The following ADAMTS12 variants were observed in gnomAD, a reference collection of about 807,000 sequenced individuals.
ADAMTS12 encodes the protein A disintegrin and metalloproteinase with thrombospondin motifs 12.
A neutral mutation model predicts 167.8 loss-of-function variants in ADAMTS12; 118 were observed. That is an observed-to-expected ratio of 0.70 (90% confidence interval 0.61 to 0.82). The LOEUF (loss-of-function observed/expected upper bound fraction) is 0.82, where lower values mean the gene tolerates loss of function less well. Ranked by LOEUF, ADAMTS12 falls within the 40% of genes least tolerant of loss-of-function variation. The pLI is 0.00. For missense variants in ADAMTS12, 1,916 were observed against 1,998.8 expected, an observed-to-expected ratio of 0.96 and a Z score of 0.79; for synonymous variants, 704 against 716.9, an observed-to-expected ratio of 0.98 and a Z score of 0.29.
chr5:33,619,248 T>C (rs1261659478), intron 14 of ADAMTS12, among the ~76,000 whole-genome samples: 4 of 152,196 alleles, frequency 2.6e-5, no homozygotes, highest in Admixed American at 1.3e-4. Context: ...GCAGCTTGTG[T>C]TTATCTTTTC....
At chr5:33,683,782 T>C in intron 4 of ADAMTS12, 77 bp downstream of exon 4, 2 of 1,218,892 alleles carry the variant, frequency 1.6e-6, no homozygotes, top group Non-Finnish European at 1.1e-6. Flanking sequence ...CAAAAAGGCC[T>C]TTCTTATTTA....
rs562657349 is a variant in ADAMTS12, at chr5:33,857,366, T to G, written c.489+23753A>C. ...AAAACAATGTGACTGTTGTTAACAA[T>G]ACTGAAGTGTATACTTGAAATTTGC... is the stretch of plus-strand genomic sequence containing the variant. On this transcript the variant is annotated intron_variant, in intron 2 of 23. Transcript: ENST00000504830. 3.2e-4 allele frequency among the ~76,000 whole-genome samples: 49 copies of G among 151,772 alleles called. No homozygotes were observed. The South Asian group carries it at 9.8e-3, about 30-fold the overall frequency.
At position 33,800,841 on chromosome 5, in the gene ADAMTS12, C is replaced by T. The variant is rs530536400; in HGVS notation, c.490-49293G>A. Among the ~76,000 whole-genome samples the T allele has an allele frequency of 4.2e-4, 64 of 152,158 alleles. No individual in the cohort carries two copies. The East Asian group carries it at 8.7e-3, about 21-fold the overall frequency. The stretch of plus-strand genomic sequence containing the variant: ...AACAGAGATGTGGTTGCTTGAATAA[C>T]GGTATCTATGTCCTAATCCCTGGAT... On this transcript the variant is annotated intron_variant, in intron 2 of 23. Coordinates refer to ENST00000504830, the MANE Select transcript of ADAMTS12 (RefSeq NM_030955.4).
At chr5:33,557,014 TG>T (rs1295520349) in intron 20 of ADAMTS12, among the ~76,000 whole-genome samples, 2 of 152,116 alleles carry the variant, frequency 1.3e-5, no homozygotes, top group African/African-American at 4.8e-5. Context: ...ACCTGACATA[TG>T]TATATGAGAA....
At chr5:33,535,339 GC>G (rs1473868922) in intron 22 of ADAMTS12, among the ~76,000 whole-genome samples, 1 of 152,186 alleles carries the variant, frequency 6.6e-6, no homozygotes, top group African/African-American at 2.4e-5. Flanking sequence ...CAGCCACCTG[GC>G]CACACATGAC....
At chr5:33,575,540 C>T (rs990842948) in intron 19 of ADAMTS12, among the ~76,000 whole-genome samples, 2 of 152,152 alleles carry the variant, frequency 1.3e-5, no homozygotes, top group Non-Finnish European at 2.9e-5. Context: ...CATTTGTTCT[C>T]CTTCCCTATA....
rs563213408 is a variant in ADAMTS12, at chr5:33,784,028, C to A, written c.490-32480G>T. ...TGTATGATGGCCAAGTGAGATTTAC[C>A]CATGATTGCAAAGTTCATTTAAAAT... On this transcript the variant is annotated intron_variant, in intron 2 of 23. Transcript: ENST00000504830. Among the ~76,000 whole-genome samples, 15 of 151,858 alleles carry A rather than the reference C, an allele frequency of 9.9e-5. 2 individuals carry two copies. Among genetic ancestry groups the A allele is most frequent in the Middle Eastern group, 3.4e-3 (1 of 294 alleles).
intron 14 of ADAMTS12, among the ~76,000 whole-genome samples, chr5:33,622,878 T>G (rs1739402615): frequency 6.6e-6 from 1 of 152,184 alleles, no homozygotes; most frequent in African/African-American, 2.4e-5. Context: ...AGAGAGTATT[T>G]TTCATCCATA....
chr5:33,787,206 T>C (rs1036288084), intron 2 of ADAMTS12, among the ~76,000 whole-genome samples: 1 of 152,148 alleles, frequency 6.6e-6, no homozygotes, highest in Non-Finnish European at 1.5e-5. Flanking sequence ...AGTCACCTCC[T>C]ATTGATTTAT....
chr5:33,847,631 A>AAAAG (rs973344037), intron 2 of ADAMTS12, among the ~76,000 whole-genome samples: 7 of 152,216 alleles, frequency 4.6e-5, no homozygotes, highest in African/African-American at 9.6e-5. Flanking sequence ...CTCAAAAAAA[A>AAAAG]AAAGAAAGAA....
chr5:33,696,217 C>T (rs533688666), intron 3 of ADAMTS12, among the ~76,000 whole-genome samples: 1 of 151,926 alleles, frequency 6.6e-6, no homozygotes, highest in East Asian at 1.9e-4. Flanking sequence ...GTCAGGAGAT[C>T]GAGACCATCC....
In ADAMTS12 at chr5:33,648,898, G is replaced by C. The variant is rs750961111; in HGVS notation, c.1403C>G (p.Pro468Arg). ...GTGGTGAACATCATAGATCACTCCG[G>C]GGGCAATGACCTTGGACTTCAAGCC... The part of the protein sequence containing the change: ...KKGLKSKVIA[P>R]GVIYDVHHQC... Residue 468 changes from proline to arginine, a missense_variant, in exon 9 of 24, where the codon CCC becomes CGC. Transcript: ENST00000504830. 1 of 1,614,004 alleles carries C rather than the reference G, an allele frequency of 6.2e-7. No individual in the cohort carries two copies. Among genetic ancestry groups the C allele is most frequent in the Admixed American group, 1.7e-5 (1 of 60,010 alleles).
chr5:33,613,132 T>C (rs1738813351), intron 16 of ADAMTS12, among the ~76,000 whole-genome samples: 1 of 152,160 alleles, frequency 6.6e-6, no homozygotes, highest in African/African-American at 2.4e-5. Flanking sequence ...TTCTTCCCTT[T>C]TGCTACATCA....
Position 33,588,584 on chromosome 5 carries a change from G to A in ADAMTS12, c.2865+15C>T, listed in dbSNP as rs771733709. On this transcript the variant is annotated intron_variant, in intron 18 of 23. Coordinates refer to ENST00000504830, the MANE Select transcript of ADAMTS12 (RefSeq NM_030955.4). Reference sequence around the variant, plus strand: ...CTTGAATAATGCCAGTTTCCCCGCCGAGCCCTGAGCTCACCTCACTCCAGT... The same window carrying A: ...CTTGAATAATGCCAGTTTCCCCGCCAAGCCCTGAGCTCACCTCACTCCAGT... 1.3e-5 allele frequency: 21 copies of A among 1,612,742 alleles called. No homozygotes were observed. The highest frequency in any genetic ancestry group is 2.7e-5 in the African/African-American group (2 of 74,886).
Position 33,825,194 on chromosome 5 carries a change from T to C in ADAMTS12, c.489+55925A>G, listed in dbSNP as rs1234269144. Among the ~76,000 whole-genome samples, 4 of 152,188 alleles carry C rather than the reference T, an allele frequency of 2.6e-5. No homozygotes were observed. The East Asian group carries it at 5.8e-4, about 22-fold the overall frequency. ...AAATCATTTCTGCTCTGCAAAGAGC[T>C]TACTATTAAGAAGGTCTCTTTGTGG... On this transcript the variant is annotated intron_variant, in intron 2 of 23. Transcript: ENST00000504830.
chr5:33,723,687 C>T (rs1244726428), intron 3 of ADAMTS12, among the ~76,000 whole-genome samples: 1 of 152,176 alleles, frequency 6.6e-6, no homozygotes, highest in Non-Finnish European at 1.5e-5. Flanking sequence ...GCAACCCCAG[C>T]CCTGGGCAAG....
chr5:33,793,887 G>C (rs1355837285), intron 2 of ADAMTS12, among the ~76,000 whole-genome samples: 1 of 152,024 alleles, frequency 6.6e-6, no homozygotes, highest in African/African-American at 2.4e-5. Context: ...CCCCCTCCCC[G>C]CCTGTGAAGT....
chr5:33,579,682 C>T (rs999013839), intron 18 of ADAMTS12, among the ~76,000 whole-genome samples: 3 of 152,180 alleles, frequency 2.0e-5, no homozygotes, highest in Non-Finnish European at 2.9e-5. Flanking sequence ...TTGTGTGATT[C>T]GGTGACTAAG....
intron 3 of ADAMTS12, among the ~76,000 whole-genome samples, chr5:33,705,294 T>TGTGTGTGTGTGC (rs896480548): frequency 2.0e-5 from 3 of 151,712 alleles, no homozygotes; most frequent in East Asian, 3.9e-4. Flanking sequence ...TGTGTGTGTG[T>TGTGTGTGTGTGC]GTGTGTGTGC....
Sources: allele counts gnomAD v4.1 joint callset (sites outside exome capture counted in the v4.1 genomes callset), GRCh38; gene constraint gnomAD v4.1.1; transcripts MANE v1.5; gene names NCBI Gene and HGNC (gene_info 2026-07-23, HGNC 2026-07-21).